Variants in PEX1 observed in about 807,000 individuals in gnomAD.
The protein encoded by PEX1 is peroxisomal biogenesis factor 1.
Under a neutral mutation model 152.5 loss-of-function variants are expected in PEX1, and 97 were observed. The observed-to-expected ratio is 0.64, with a 90% confidence interval of 0.54 to 0.75. The LOEUF is 0.75. PEX1 is among the 30% of genes least tolerant of loss of function. The pLI is 0.00. For synonymous variants in PEX1, 485 were observed against 531.6 expected (o/e 0.91, Z 1.21); for missense variants, 1,357 against 1,516.3 (o/e 0.89, Z 1.74).
At position 92,489,929 on chromosome 7, in the gene PEX1, G is replaced by C. The variant is rs745990256; in HGVS notation, c.3439-18C>G. The C allele has an allele frequency of 6.3e-7, 1 of 1,599,302 alleles. No individual in the cohort carries two copies. The highest frequency in any genetic ancestry group is 1.3e-5 in the African/African-American group (1 of 74,608). ...TGTGAGCTCTGCATGGTAAATTGTAGTAATGAAAGATGGAAGGAAGAGGGG... is the reference window on the plus strand; with the variant it reads ...TGTGAGCTCTGCATGGTAAATTGTACTAATGAAAGATGGAAGGAAGAGGGG... On this transcript the variant is annotated intron_variant, in intron 21 of 23. Transcript: ENST00000248633.
rs184999573 is a variant in PEX1 at position 92,517,197 on chromosome 7, T to C, written c.1239+79A>G. On this transcript the variant is annotated intron_variant, in intron 5 of 23. Transcript: ENST00000248633. Reference sequence around the variant, plus strand: ...TTTTAATTGATTTTCAATTTATATATGAAATACTATTCTAATTCATAATTT... The same window carrying C: ...TTTTAATTGATTTTCAATTTATATACGAAATACTATTCTAATTCATAATTT... 558 of 1,111,976 alleles carry C rather than the reference T, an allele frequency of 5.0e-4. No homozygotes were observed. In the African/African-American group the frequency reaches 7.4e-3, roughly 15 times the overall value. 68.9% of individuals were successfully genotyped at this position (1,111,976 alleles called of 1,614,324 possible). A position where few individuals can be genotyped will look rare whatever the true frequency, so the allele number is the denominator to read the frequency against.
At chr7:92,495,075 C>T (rs142944182) in intron 17 of PEX1, among the ~76,000 whole-genome samples, 2 of 151,950 alleles carry the variant, frequency 1.3e-5, no homozygotes, top group African/African-American at 2.4e-5. Flanking sequence ...TTGTGAAATG[C>T]CTATTCATTT....
intron 12 of PEX1, 123 bp from the exon 13 acceptor site, chr7:92,503,318 G>A (rs1050154095): frequency 4.1e-5 from 32 of 779,248 alleles, no homozygotes; most frequent in South Asian, 2.8e-4. Flanking sequence ...GTATGGTATC[G>A]CTCTTTCATG....
chr7:92,491,469 G>A lies in PEX1; in HGVS notation c.3241C>T (p.Leu1081=), dbSNP rs556517459. ...TGGTTAAGAAAGACCATTGAAGACA[G>A]ACTTAGGTCACTATCAGAGCTGGAA... ...GSSSSDSDLS[L]SSMVFLNHSS... The change falls in exon 21 of 24, where the codon CTG becomes TTG. Residue 1081 remains leucine (L), a synonymous_variant. Transcript: ENST00000248633. The A allele has an allele frequency of 3.7e-6, 6 of 1,612,818 alleles. No homozygotes were observed. The African/African-American group carries it at 4.0e-5, about 11-fold the overall frequency.
At chr7:92,501,718 A>T in intron 14 of PEX1, 45 bp from the exon 15 acceptor site, 3 of 1,529,144 alleles carry the variant, frequency 2.0e-6, no homozygotes, top group Non-Finnish European at 2.7e-6. Context: ...TATATTCACT[A>T]TATGAATTTT....
intron 21 of PEX1, 133 bp downstream of exon 21, chr7:92,491,139 C>A: frequency 1.5e-6 from 1 of 669,098 alleles, no homozygotes. Flanking sequence ...AAGCAAGAAA[C>A]AAGACTATTT....
chr7:92,527,006 T>A (rs1381536183), intron 1 of PEX1, among the ~76,000 whole-genome samples: 2 of 152,216 alleles, frequency 1.3e-5, no homozygotes, highest in African/African-American at 4.8e-5. Context: ...GTAATAAACT[T>A]ATTACATTGA....
chr7:92,498,955 C>T (rs532037189), intron 16 of PEX1, among the ~76,000 whole-genome samples: 7 of 152,192 alleles, frequency 4.6e-5, no homozygotes, highest in Non-Finnish European at 8.8e-5. Context: ...TAAGCAAGAA[C>T]ATAATAAGCC....
At chr7:92,523,650 T>G (rs1793144825) in intron 1 of PEX1, among the ~76,000 whole-genome samples, 3 of 152,000 alleles carry the variant, frequency 2.0e-5, no homozygotes, top group Non-Finnish European at 2.9e-5. Context: ...AAAATAATTT[T>G]ATTAATATGT....
Position 92,516,008 on chromosome 7 carries a change from AAAGAG to A in PEX1, c.1239+1263_1239+1267del, listed in dbSNP as rs770569979. ...GCTTCTAACTCAAAAAAAGAAAAGAAAAGAGAAGAGAAGAGAAGAGAAGAGAAGAG... is the reference window on the plus strand; with the variant it reads ...GCTTCTAACTCAAAAAAAGAAAAGAAAAGAGAAGAGAAGAGAAGAGAAGAG... On this transcript the variant is annotated intron_variant, in intron 5 of 23. Transcript: ENST00000248633. Among the ~76,000 whole-genome samples the A allele has an allele frequency of 3.0e-3, 311 of 103,512 alleles. 2 individuals carry two copies. The highest frequency in any genetic ancestry group is 5.2e-3 in the African/African-American group (144 of 27,786). 67.9% of individuals were successfully genotyped at this position (103,512 alleles called of 152,430 possible).
chr7:92,509,052 T>G (rs1403396932), intron 9 of PEX1, among the ~76,000 whole-genome samples: 1 of 151,882 alleles, frequency 6.6e-6, no homozygotes, highest in Non-Finnish European at 1.5e-5. Context: ...GTAAAATTTC[T>G]AATAAGCTTC....
In PEX1 at chr7:92,517,763, C is replaced by T. The variant is rs767162858; in HGVS notation, c.752G>A (p.Ser251Asn). ...CTTCTCAGATTGAAAGGAAAAAATG[C>T]TTCCTATCATAGTCCATAAACTTGC... ...SVASLWTMIG[S>N]IFSFQSEKKQ... is the part of the protein sequence containing the mutation. Residue 251 changes from serine (S) to asparagine (N), a missense_variant, in exon 5 of 24, where the codon AGC becomes AAC. By Grantham distance (46) the Ser-to-Asn change is conservative. Coordinates refer to ENST00000248633, the MANE Select transcript of PEX1 (RefSeq NM_000466.3). 4.3e-5 allele frequency: 69 copies of T among 1,601,328 alleles called. No individual in the cohort carries two copies. Among genetic ancestry groups the T allele is most frequent in the Non-Finnish European group, 5.5e-5 (65 of 1,173,758 alleles).
At position 92,506,291 on chromosome 7, in the gene PEX1, T is replaced by C. The variant is rs1393403749; in HGVS notation, c.1857A>G (p.Lys619=). The change falls in exon 11 of 24, where the codon AAA becomes AAG. Residue 619 remains lysine (K), a synonymous_variant. Coordinates refer to ENST00000248633, the MANE Select transcript of PEX1 (RefSeq NM_000466.3). ...AKAICKEAFD[K]LDAHVERVDC... ...CAACTCTCTCCACATGGGCATCCAG[T>C]TTGTCAAATGCTTCTTTACAGATTG... 4 of 1,612,228 alleles carry C rather than the reference T, an allele frequency of 2.5e-6. No individual in the cohort carries two copies. The South Asian group carries it at 4.4e-5, about 18-fold the overall frequency.
chr7:92,502,587 G>T (rs943402753), intron 13 of PEX1, among the ~76,000 whole-genome samples: 1 of 151,886 alleles, frequency 6.6e-6, no homozygotes, highest in African/African-American at 2.4e-5. Context: ...CAGTTAACTA[G>T]CACAGGGTCT....
chr7:92,525,190 AGAG>A (rs1282933040), intron 1 of PEX1, among the ~76,000 whole-genome samples: 1 of 152,234 alleles, frequency 6.6e-6, no homozygotes, highest in Non-Finnish European at 1.5e-5. Context: ...ATTCAGGTAA[AGAG>A]AAGAAAGAGA....
chr7:92,504,786 C>T lies in PEX1; in HGVS notation c.2017G>A (p.Val673Ile). Residue 673 changes from valine (V) to isoleucine (I), a missense_variant, in exon 12 of 24, where the codon GTC (valine) becomes ATC (isoleucine). By Grantham distance (29) the Val-to-Ile change is conservative. Transcript: ENST00000248633. ...DLDLIAGLPA[V>I]PEHEHSPDAV... ...TCAGGACTGTGCTCATGTTCCGGGA[C>T]AGCAGGCAGTCCAGCAATGAGGTCA... The T allele has an allele frequency of 6.2e-7, 1 of 1,614,212 alleles. No homozygotes were observed. The highest frequency in any genetic ancestry group is 1.7e-5 in the Admixed American group (1 of 60,032).
Position 92,496,790 on chromosome 7 carries a change from A to G in PEX1, c.2719-13T>C, listed in dbSNP as rs769160151. 2.6e-6 allele frequency: 4 copies of G among 1,549,996 alleles called. No homozygotes were observed. Among genetic ancestry groups the G allele is most frequent in the South Asian group, 1.1e-5 (1 of 89,038 alleles). On this transcript the variant is annotated splice_polypyrimidine_tract_variant and intron_variant, in intron 16 of 23. Coordinates refer to ENST00000248633, the MANE Select transcript of PEX1 (RefSeq NM_000466.3). Reference sequence around the variant, plus strand: ...GTAACTCTGGCCCCTATTGGGTAAAATAAGAGTTGAGATAAAATTATTTAA... The same window carrying G: ...GTAACTCTGGCCCCTATTGGGTAAAGTAAGAGTTGAGATAAAATTATTTAA...
chr7:92,492,905 T>A, intron 20 of PEX1, 48 bp downstream of exon 20: 1 of 1,413,662 alleles, frequency 7.1e-7, no homozygotes, highest in Non-Finnish European at 1.0e-6. Context: ...ACATTGTACT[T>A]CTTTTATCAC....
At chr7:92,496,037 C>T in intron 17 of PEX1, among the ~76,000 whole-genome samples, 1 of 151,948 alleles carries the variant, frequency 6.6e-6, no homozygotes, top group East Asian at 1.9e-4. Flanking sequence ...CCAGGAATTA[C>T]GTGGAAGAGG....
Sources: gnomAD v4.1 joint callset for allele counts (sites outside exome capture counted in the v4.1 genomes callset) on GRCh38, gnomAD v4.1.1 for gene constraint, MANE v1.5 for transcripts, NCBI Gene and HGNC (gene_info 2026-07-23, HGNC 2026-07-21) for gene names.